ARHGEF33: variants seen among roughly 807,000 people sequenced by gnomAD.
The protein encoded by ARHGEF33 is Rho guanine nucleotide exchange factor 33.
Under a neutral mutation model 101.9 loss-of-function variants are expected in ARHGEF33, and 72 were observed. That is an observed-to-expected ratio of 0.71 (90% CI 0.58 to 0.86). The LOEUF (loss-of-function observed/expected upper bound fraction) is 0.86, where lower values mean the gene tolerates loss of function less well. Ranked by LOEUF, ARHGEF33 falls within the 40% of genes least tolerant of loss-of-function variation. ARHGEF33 has a pLI of 0.00. For missense variants in ARHGEF33, 1,169 were observed against 1,111.3 expected (o/e 1.05, Z -0.74); for synonymous variants, 499 against 442.5 (o/e 1.13, Z -1.60).
At chr2:38,963,081 G>C (rs1667981615) in intron 16 of ARHGEF33, among the ~76,000 whole-genome samples, 1 of 151,062 alleles carries the variant, frequency 6.6e-6, no homozygotes, top group South Asian at 2.1e-4. Context: ...GTAGCATGCA[G>C]AGTGCAGGTG....
intron 9 of ARHGEF33, among the ~76,000 whole-genome samples, chr2:38,943,113 A>G (rs1365800435): frequency 2.6e-5 from 4 of 152,106 alleles, no homozygotes; most frequent in Non-Finnish European, 5.9e-5. Context: ...TTTTTAGTAA[A>G]GATGGGGTTT....
chr2:38,944,092 T>C (rs1275427600), intron 10 of ARHGEF33, 62 bp downstream of exon 10: 69 of 1,479,268 alleles, frequency 4.7e-5, no homozygotes, highest in Admixed American at 3.3e-4. Context: ...AAGTGGTTTA[T>C]TGTTTCCACT....
intron 2 of ARHGEF33, among the ~76,000 whole-genome samples, chr2:38,910,708 TTC>T (rs1300765057): frequency 6.6e-6 from 1 of 152,198 alleles, no homozygotes; most frequent in African/African-American, 2.4e-5. Context: ...TTATTTCTCT[TTC>T]TCTCAATCTC....
chr2:38,937,312 C>CGGGGGGGGGGGGGGGGGGGCGGGGGGGGG, intron 8 of ARHGEF33, 23 bp from the exon 9 acceptor site: 1 of 583,332 alleles, frequency 1.7e-6, no homozygotes, highest in Non-Finnish European at 3.0e-6. Flanking sequence ...TTTGTTTCCC[C>CGGGGGGGGGGGGGGGGGGGCGGGGGGGGG]GCCCCTCCCC....
intron 1 of ARHGEF33, among the ~76,000 whole-genome samples, chr2:38,891,914 A>G (rs1666013939): frequency 6.6e-6 from 1 of 152,204 alleles, no homozygotes; most frequent in Non-Finnish European, 1.5e-5. Flanking sequence ...GAATGCCCCA[A>G]ATAAGATGAA....
In ARHGEF33 at chr2:38,931,146, C is replaced by G. The variant is rs1035385804; in HGVS notation, c.400C>G (p.Pro134Ala). ...AGAAGAGCACAGCTCACAGGCCGGGCCTGCCCAAGCACAAGGAAGTCCTTT... is the reference window on the plus strand; with the variant it reads ...AGAAGAGCACAGCTCACAGGCCGGGGCTGCCCAAGCACAAGGAAGTCCTTT... ...QKEEHSSQAG[P>A]AQAQGSPFRS... Residue 134 changes from proline to alanine, a missense_variant, in exon 7 of 18, where the codon CCT becomes GCT. By Grantham distance (27) the Pro-to-Ala change is conservative. Coordinates refer to ENST00000409978, the MANE Select transcript of ARHGEF33 (RefSeq NM_001145451.5). 4 of 1,551,526 alleles carry G rather than the reference C, an allele frequency of 2.6e-6. No homozygotes were observed. The highest frequency in any genetic ancestry group is 3.5e-6 in the Non-Finnish European group (4 of 1,146,878).
Position 38,937,514 on chromosome 2 carries a change from A to G in ARHGEF33, c.745A>G (p.Arg249Gly). Residue 249 changes from arginine to glycine, a missense_variant, in exon 9 of 18, where the codon AGA becomes GGA. Coordinates refer to ENST00000409978, the MANE Select transcript of ARHGEF33 (RefSeq NM_001145451.5). ...TAAACTCAAGGAGGCTGGCCAGGGT[A>G]GACACAGCTCCTTGGAAAACGTTTT... ...PDKLKEAGQGRHSSLENVLCE... is the reference protein window; with the variant it reads ...PDKLKEAGQGGHSSLENVLCE... 1 of 1,550,736 alleles carries G rather than the reference A, an allele frequency of 6.4e-7. No individual in the cohort carries two copies. Among genetic ancestry groups the G allele is most frequent in the East Asian group, 2.4e-5 (1 of 40,910 alleles).
intron 16 of ARHGEF33, among the ~76,000 whole-genome samples, chr2:38,963,220 A>C (rs1247304108): frequency 1.3e-5 from 2 of 152,090 alleles, no homozygotes; most frequent in Non-Finnish European, 2.9e-5. Flanking sequence ...GCAAAAGATA[A>C]ACCCCTTAAA....
At chr2:38,971,695 T>C (rs566682717) in intron 17 of ARHGEF33, among the ~76,000 whole-genome samples, 1 of 152,284 alleles carries the variant, frequency 6.6e-6, no homozygotes, top group African/African-American at 2.4e-5. Context: ...GAATGCTGGA[T>C]TTTGAAAAGG....
At chr2:38,973,585 G>T in intron 17 of ARHGEF33, 129 bp from the exon 18 acceptor site, 1 of 985,096 alleles carries the variant, frequency 1.0e-6, no homozygotes, top group African/African-American at 1.7e-5. Context: ...GAAATTCAGG[G>T]GAGTAAAAAG....
intron 1 of ARHGEF33, among the ~76,000 whole-genome samples, chr2:38,892,460 T>C (rs1329757793): frequency 1.3e-5 from 2 of 152,142 alleles, no homozygotes; most frequent in African/African-American, 4.8e-5. Flanking sequence ...TGACATCTGC[T>C]AAGTACCATA....
At chr2:38,899,016 C>T (rs920894295) in intron 2 of ARHGEF33, among the ~76,000 whole-genome samples, 1 of 151,940 alleles carries the variant, frequency 6.6e-6, no homozygotes, top group African/African-American at 2.4e-5. Context: ...TTTGCCTTTT[C>T]TAACTCATTA....
At position 38,931,133 on chromosome 2, in the gene ARHGEF33, C is replaced by G. The variant is rs550852562; in HGVS notation, c.387C>G (p.Ser129Arg). The change falls in exon 7 of 18, where the codon AGC (serine) becomes AGG (arginine). Residue 129 changes from serine to arginine, a missense_variant. By Grantham distance (110) the Ser-to-Arg change is moderately radical. Coordinates refer to ENST00000409978, the MANE Select transcript of ARHGEF33 (RefSeq NM_001145451.5). ...KAKKTQKEEH[S>R]SQAGPAQAQG... ...GGAAAACTCAAAAAGAAGAGCACAG[C>G]TCACAGGCCGGGCCTGCCCAAGCAC... 5.0e-5 allele frequency: 78 copies of G among 1,550,368 alleles called. 1 individual carries two copies. In the Admixed American group the frequency reaches 1.2e-3, roughly 25 times the overall value.
At chr2:38,921,308 A>G (rs975890668) in intron 3 of ARHGEF33, 66 bp from the exon 4 acceptor site, 25 of 954,570 alleles carry the variant, frequency 2.6e-5, no homozygotes, top group African/African-American at 3.2e-5. Context: ...TATTCCCTGC[A>G]TGTATCTGGA....
chr2:38,904,590 C>A (rs1256930887), intron 2 of ARHGEF33, among the ~76,000 whole-genome samples: 1 of 151,750 alleles, frequency 6.6e-6, no homozygotes, highest in African/African-American at 2.4e-5. Flanking sequence ...CCTGTAATCC[C>A]AGCTACTCCT....
intron 1 of ARHGEF33, among the ~76,000 whole-genome samples, chr2:38,890,971 T>TA (rs1458399330): frequency 6.6e-6 from 1 of 151,074 alleles, no homozygotes; most frequent in Non-Finnish European, 1.5e-5. Context: ...ACTATTGGTT[T>TA]TTTTTTTTTT....
Position 38,929,833 on chromosome 2 carries a change from G to T in ARHGEF33, c.362+3G>T. On this transcript the variant is annotated splice_donor_region_variant and intron_variant, in intron 6 of 17. Coordinates refer to ENST00000409978, the MANE Select transcript of ARHGEF33 (RefSeq NM_001145451.5). ...GAATCTCGAAAAGTTAAAGCCAAGT[G>T]AGTGTCTTTTAAAAATGTACCAAAG... 1 of 1,550,686 alleles carries T rather than the reference G, an allele frequency of 6.4e-7. No homozygotes were observed. Among genetic ancestry groups the T allele is most frequent in the South Asian group, 1.2e-5 (1 of 83,956 alleles).
chr2:38,936,479 A>G (rs1301258971), intron 8 of ARHGEF33, among the ~76,000 whole-genome samples: 1 of 152,214 alleles, frequency 6.6e-6, no homozygotes, highest in African/African-American at 2.4e-5. Context: ...ATAAGGAGTC[A>G]ATACATACTA....
In ARHGEF33 at chr2:38,899,107, T is replaced by C. The variant is rs571477930; in HGVS notation, c.-86+3258T>C. ...TGGTTTTTTTTAGGGAAAGAAATAATTGATTATAAACATCTCCTGAAATTA... is the reference window on the plus strand; with the variant it reads ...TGGTTTTTTTTAGGGAAAGAAATAACTGATTATAAACATCTCCTGAAATTA... On this transcript the variant is annotated intron_variant, in intron 2 of 17. Transcript: ENST00000409978. 3.3e-5 allele frequency among the ~76,000 whole-genome samples: 5 copies of C among 152,240 alleles called. No homozygotes were observed. In the East Asian group the frequency reaches 7.7e-4, roughly 24 times the overall value.
Sources: gnomAD v4.1 joint callset for allele counts (sites outside exome capture counted in the v4.1 genomes callset) on GRCh38, gnomAD v4.1.1 for gene constraint, MANE v1.5 for transcripts, NCBI Gene and HGNC (gene_info 2026-07-23, HGNC 2026-07-21) for gene names.